The following HTR4 variants were observed in gnomAD, a reference collection of about 807,000 sequenced individuals.
The protein encoded by HTR4 is 5-hydroxytryptamine (serotonin) receptor 4, G protein-coupled.
Under a neutral mutation model 36.8 loss-of-function variants are expected in HTR4, and 16 were observed. The observed-to-expected ratio is 0.43, with a 90% confidence interval of 0.29 to 0.66. The LOEUF is 0.66. Ranked by LOEUF, HTR4 falls within the 30% of genes least tolerant of loss-of-function variation. The pLI is 0.13. For missense variants in HTR4, 438 were observed against 490.9 expected, an observed-to-expected ratio of 0.89 and a Z score of 1.02; for synonymous variants, 189 against 185.1, an observed-to-expected ratio of 1.02 and a Z score of -0.17.
chr5:148,595,227 CAG>C (rs1469552931), intron 2 of HTR4, among the ~76,000 whole-genome samples: 1 of 152,108 alleles, frequency 6.6e-6, no homozygotes, highest in Non-Finnish European at 1.5e-5. Flanking sequence ...CTAGCAAGAT[CAG>C]AGAGTCAGTG....
intron 2 of HTR4, among the ~76,000 whole-genome samples, chr5:148,601,976 G>T (rs745972585): frequency 6.6e-6 from 1 of 152,008 alleles, no homozygotes; most frequent in Non-Finnish European, 1.5e-5. Context: ...AGAAGCTGGG[G>T]GTTGGAAAGA....
At chr5:148,479,747 T>C (rs1755815821), downstream of HTR4, among the ~76,000 whole-genome samples, 1 of 152,018 alleles carries the variant, frequency 6.6e-6, no homozygotes, top group African/African-American at 2.4e-5. Context: ...TTACAATTTG[T>C]AATCCTTTGA....
In HTR4 at chr5:148,654,333, C is replaced by T. The variant is rs1754131691; in HGVS notation, c.-319G>A. 5 of 984,760 alleles carry T rather than the reference C, an allele frequency of 5.1e-6. No homozygotes were observed. The South Asian group carries it at 2.3e-4, about 46-fold the overall frequency. 61.0% of individuals were successfully genotyped at this position (984,760 alleles called of 1,614,324 possible). A position where few individuals can be genotyped will look rare whatever the true frequency, so the allele number is the denominator to read the frequency against. On this transcript the variant is annotated 5_prime_UTR_variant, in exon 1 of 7. In the 5' UTR this introduces an upstream ATG that the reference lacks. Transcript: ENST00000377888. ...TTCTCCCCAACCGAGCCGGACTCCA[C>T]GGGCTCAACAGCCCCCAGCCCCGGT...
chr5:148,465,054 T>A (rs1232178761), intron 5 of HTR4, among the ~76,000 whole-genome samples: 4 of 151,782 alleles, frequency 2.6e-5, no homozygotes, highest in South Asian at 2.1e-4. Flanking sequence ...GATCAATTGT[T>A]GCCAGAGGTT....
At chr5:148,588,527 CTTTTTTTTT>C (rs35749777) in intron 2 of HTR4, among the ~76,000 whole-genome samples, 1 of 110,138 alleles carries the variant, frequency 9.1e-6, no homozygotes, top group Non-Finnish European at 1.8e-5. Context: ...GGTTTTAATT[CTTTTTTTTT>C]TTTTTTTTTT....
At chr5:148,571,793 G>A (rs1760688529) in intron 2 of HTR4, among the ~76,000 whole-genome samples, 1 of 152,024 alleles carries the variant, frequency 6.6e-6, no homozygotes, top group Admixed American at 6.6e-5. Flanking sequence ...CAGGGGCAGA[G>A]GTGGCACACT....
At chr5:148,636,853 G>T (rs1380772255) in intron 2 of HTR4, 136 bp downstream of exon 2, 3 of 600,254 alleles carry the variant, frequency 5.0e-6, no homozygotes, top group Non-Finnish European at 9.0e-6. Flanking sequence ...ACAGTACTGT[G>T]AACATGATTA....
chr5:148,469,781 T>C lies in HTR4; in HGVS notation c.1077-18509A>G, dbSNP rs148046568. Among the ~76,000 whole-genome samples the C allele has an allele frequency of 3.2e-3, 494 of 152,292 alleles. 3 individuals carry two copies. The highest frequency in any genetic ancestry group is 0.011 in the African/African-American group (452 of 41,558). On this transcript the variant is annotated intron_variant, in intron 5 of 5. Coordinates refer to the HTR4 transcript ENST00000521530. The stretch of plus-strand genomic sequence containing the variant: ...GCTCCTAGGATGCAAAGTATATCAT[T>C]TGGAGAAAACTAACAAACAACAGAT...
chr5:148,560,878 AT>A, intron 2 of HTR4, among the ~76,000 whole-genome samples: 6 of 152,296 alleles, frequency 3.9e-5, no homozygotes, highest in Admixed American at 3.9e-4. Context: ...AAAAAAACAC[AT>A]GCTAAAATTT....
rs773568445 is a variant in HTR4 at position 148,509,615 on chromosome 5, C to A, written c.917G>T (p.Gly306Val). Reference protein sequence around the residue: ...AFLWLGYINSGLNPFLYAFLN... With the variant: ...AFLWLGYINSVLNPFLYAFLN... ...GAAGGCGTAGAGAAAAGGGTTCAAC[C>A]CGGAATTGATATAGCCGAGCCAGAG... Residue 306 changes from glycine to valine, a missense_variant, in exon 6 of 7, where the codon GGG (glycine) becomes GTG (valine). Gly to Val is a moderately radical substitution (Grantham distance 109). Coordinates refer to ENST00000377888, the MANE Select transcript of HTR4 (RefSeq NM_000870.7). 6 of 1,614,006 alleles carry A rather than the reference C, an allele frequency of 3.7e-6. No homozygotes were observed. The highest frequency in any genetic ancestry group is 1.7e-6 in the Non-Finnish European group (2 of 1,179,984).
chr5:148,544,348 CA>C (rs779626769), intron 4 of HTR4, among the ~76,000 whole-genome samples: 38,110 of 149,482 alleles, frequency 0.25, 5,658 homozygotes, highest in Non-Finnish European at 0.34. Context: ...TCTCCACACA[CA>C]CTCATGTAAA....
rs527727146 is a variant in HTR4, at chr5:148,569,672, A to G, written c.27-19410T>C. Among the ~76,000 whole-genome samples the G allele has an allele frequency of 3.8e-4, 58 of 152,022 alleles. 1 individual carries two copies. In the South Asian group the frequency reaches 0.012, roughly 30 times the overall value. ...TATAATGTATCCAAAACATGAGTAG[A>G]TTAAAAAATTATACATCAATATACA... On this transcript the variant is annotated intron_variant, in intron 2 of 6. Transcript: ENST00000377888.
chr5:148,502,956 CA>C (rs1221783295), intron 6 of HTR4, among the ~76,000 whole-genome samples: 1 of 152,040 alleles, frequency 6.6e-6, no homozygotes, highest in Non-Finnish European at 1.5e-5. Context: ...AGAGTAAAAA[CA>C]AACAAACAAA....
chr5:148,613,353 C>G (rs1323975989), intron 2 of HTR4, among the ~76,000 whole-genome samples: 1 of 140,018 alleles, frequency 7.1e-6, no homozygotes, highest in African/African-American at 2.6e-5. Context: ...GGCTTCATCC[C>G]TGGGATGCAA....
At chr5:148,536,861 C>T (rs538899333) in intron 4 of HTR4, among the ~76,000 whole-genome samples, 2 of 152,214 alleles carry the variant, frequency 1.3e-5, no homozygotes, top group African/African-American at 4.8e-5. Context: ...ATACTCAGGA[C>T]CTGAACTCAA....
chr5:148,602,479 C>T (rs1341339122), intron 2 of HTR4, among the ~76,000 whole-genome samples: 3 of 151,950 alleles, frequency 2.0e-5, no homozygotes, highest in Non-Finnish European at 4.4e-5. Flanking sequence ...GCAGATAAGG[C>T]AAGGCTTAGT....
At chr5:148,577,028 AACAGACAACCT>A (rs1760950578) in intron 2 of HTR4, among the ~76,000 whole-genome samples, 1 of 152,158 alleles carries the variant, frequency 6.6e-6, no homozygotes, top group African/African-American at 2.4e-5. Flanking sequence ...CAACAGAGTA[AACAGACAACCT>A]ACAGAATGGG....
intron 2 of HTR4, among the ~76,000 whole-genome samples, chr5:148,572,293 A>G (rs1424212140): frequency 1.3e-5 from 2 of 152,092 alleles, no homozygotes; most frequent in Non-Finnish European, 2.9e-5. Context: ...TTTTATCGTC[A>G]CAACAGCCTA....
Position 148,626,110 on chromosome 5 carries a change from C to T in HTR4, c.26+10879G>A, listed in dbSNP as rs1022835004. Among the ~76,000 whole-genome samples the T allele has an allele frequency of 4.6e-5, 7 of 152,288 alleles. No homozygotes were observed. In the South Asian group the frequency reaches 1.5e-3, roughly 32 times the overall value. Reference sequence around the variant, plus strand: ...CCCCACCCTCAGTTAGGGGTGTCATCTGGGTGATTCTAGGCCATCAGTAAT... The same window carrying T: ...CCCCACCCTCAGTTAGGGGTGTCATTTGGGTGATTCTAGGCCATCAGTAAT... On this transcript the variant is annotated intron_variant, in intron 2 of 6. Transcript: ENST00000377888.
Sources: gnomAD v4.1 joint callset for allele counts (sites outside exome capture counted in the v4.1 genomes callset) on GRCh38, gnomAD v4.1.1 for gene constraint, MANE v1.5 for transcripts, NCBI Gene and HGNC (gene_info 2026-07-23, HGNC 2026-07-21) for gene names.